LAMA1: variants seen among roughly 807,000 people sequenced by gnomAD.
LAMA1 encodes the protein laminin subunit alpha 1, also known as laminin subunit alpha-1.
Under a neutral mutation model 348.7 loss-of-function variants are expected in LAMA1, and 219 were observed. The observed-to-expected ratio is 0.63, with a 90% confidence interval of 0.56 to 0.70. The LOEUF (loss-of-function observed/expected upper bound fraction) is 0.70. Among genes scored for constraint, LAMA1 ranks in the 30% least tolerant of loss-of-function variants. The pLI, the probability that LAMA1 is intolerant of heterozygous loss-of-function variation, is 0.00. For synonymous variants in LAMA1, 1,487 were observed against 1,491.0 expected (o/e 1.00, Z 0.06); for missense variants, 3,744 against 3,888.0 (o/e 0.96, Z 0.99).
intron 21 of LAMA1, 38 bp from the exon 22 acceptor site, chr18:7,015,896 G>C (rs2144125403): frequency 6.2e-7 from 1 of 1,613,132 alleles, no homozygotes; most frequent in African/African-American, 1.3e-5. Flanking sequence ...AGATCTGGGT[G>C]ATGTCATTAA....
chr18:7,017,087 AG>A (rs1335620032), intron 20 of LAMA1, among the ~76,000 whole-genome samples, 190 bp downstream of exon 20: 1 of 152,170 alleles, frequency 6.6e-6, no homozygotes, highest in East Asian at 1.9e-4. Context: ...AAGTTTCCTG[AG>A]GCCTCCCCAA....
At position 6,963,226 on chromosome 18, in the gene LAMA1, G is replaced by GGC. The variant is rs202087400; in HGVS notation, c.7338-1169_7338-1168dup. On this transcript the variant is annotated intron_variant, in intron 51 of 62. Transcript: ENST00000389658. ...TTCTACTGAGAACATCTGTGATATG[G>GGC]GCTTCTGTCCTTTCCTGCGTTGTCT... Among the ~76,000 whole-genome samples the GGC allele has an allele frequency of 6.4e-3, 979 of 152,226 alleles. 3 individuals are homozygous for GGC. The highest frequency in any genetic ancestry group is 0.01 in the Admixed American group (160 of 15,286).
intron 17 of LAMA1, among the ~76,000 whole-genome samples, chr18:7,024,904 C>T (rs1261772553): frequency 6.6e-6 from 1 of 152,196 alleles, no homozygotes; most frequent in Non-Finnish European, 1.5e-5. Flanking sequence ...AAAGTGAGCT[C>T]ACTCAAACAC....
chr18:6,948,347 G>A (rs1262329797), intron 60 of LAMA1, 56 bp downstream of exon 60: 41 of 1,607,872 alleles, frequency 2.5e-5, no homozygotes, highest in African/African-American at 4.0e-5. Flanking sequence ...GATCCACATC[G>A]CTTTAGAGTA....
chr18:7,103,061 A>C (rs1038406073), intron 1 of LAMA1, among the ~76,000 whole-genome samples: 2 of 152,098 alleles, frequency 1.3e-5, no homozygotes, highest in African/African-American at 4.8e-5. Flanking sequence ...GAGTGCAGAG[A>C]GTGTCTGAAC....
Position 6,947,287 on chromosome 18 carries a change from C to T in LAMA1, c.8720G>A (p.Gly2907Asp), listed in dbSNP as rs767728617. 1.9e-6 allele frequency: 3 copies of T among 1,613,558 alleles called. No individual in the cohort carries two copies. Among genetic ancestry groups the T allele is most frequent in the African/African-American group, 2.7e-5 (2 of 74,910 alleles). Residue 2907 changes from glycine to aspartate, a missense_variant, in exon 61 of 63, where the codon GGC (glycine) becomes GAC (aspartate). Gly to Asp is a moderately conservative substitution (Grantham distance 94). Around this residue, in one of 3 missense-constraint regions of LAMA1, gnomAD observed 232 missense variants for 264.4 expected, o/e 0.88. Coordinates refer to ENST00000389658, the MANE Select transcript of LAMA1 (RefSeq NM_005559.4). ...GSGYAALVKE[G>D]YKVQSDVNIT... Reference sequence around the variant, plus strand: ...GTTCACATCTGACTGGACTTTGTAGCCCTCTTTGACTGTAACACACAAGGA... The same window carrying T: ...GTTCACATCTGACTGGACTTTGTAGTCCTCTTTGACTGTAACACACAAGGA...
intron 1 of LAMA1, among the ~76,000 whole-genome samples, chr18:7,080,755 A>G (rs2058190302): frequency 6.6e-6 from 1 of 152,212 alleles, no homozygotes. Flanking sequence ...TTTGGGTTTC[A>G]CAGGCAGATG....
At chr18:7,112,043 T>G (rs1444309431) in intron 1 of LAMA1, among the ~76,000 whole-genome samples, 3 of 152,020 alleles carry the variant, frequency 2.0e-5, no homozygotes, top group Non-Finnish European at 4.4e-5. Context: ...AACTTCTCTA[T>G]ATCATAAATC....
chr18:7,078,139 A>ATTTTTTTTTG (rs368037122), intron 3 of LAMA1, among the ~76,000 whole-genome samples: 43,579 of 140,376 alleles, frequency 0.31, 7,082 homozygotes, highest in East Asian at 0.47. Flanking sequence ...TTCTCTTTTT[A>ATTTTTTTTTG]TTTTTTTTTG....
intron 3 of LAMA1, among the ~76,000 whole-genome samples, chr18:7,071,934 A>G (rs1002592103): frequency 2.0e-5 from 3 of 152,244 alleles, no homozygotes; most frequent in African/African-American, 7.2e-5. Flanking sequence ...CTGGCACAGT[A>G]AGTATGTAAT....
rs983237426 is a variant in LAMA1 at position 7,032,972 on chromosome 18, G to C, written c.2163+12C>G. The C allele has an allele frequency of 3.8e-6, 6 of 1,582,592 alleles. No homozygotes were observed. The highest frequency in any genetic ancestry group is 5.2e-6 in the Non-Finnish European group (6 of 1,158,278). On this transcript the variant is annotated intron_variant, in intron 15 of 62. Coordinates refer to ENST00000389658, the MANE Select transcript of LAMA1 (RefSeq NM_005559.4). ...GAACGAAAGGAAAAAGACAGGAAGA[G>C]AGAAGCGTCACCTCACAGGAGGTCC... is the stretch of plus-strand genomic sequence containing the variant.
intron 56 of LAMA1, 188 bp from the exon 57 acceptor site, chr18:6,955,653 A>G: frequency 1.5e-6 from 1 of 687,574 alleles, no homozygotes; most frequent in Non-Finnish European, 2.7e-6. Flanking sequence ...ATCTCCCTGA[A>G]GAAAGCACTT....
chr18:6,949,879 C>T (rs1240242536), intron 58 of LAMA1, among the ~76,000 whole-genome samples: 1 of 152,192 alleles, frequency 6.6e-6, no homozygotes, highest in African/African-American at 2.4e-5. Flanking sequence ...AAACTCTAAC[C>T]AGCCATTGTT....
intron 46 of LAMA1, among the ~76,000 whole-genome samples, chr18:6,973,955 C>T (rs905929632): frequency 6.6e-6 from 1 of 151,854 alleles, no homozygotes; most frequent in Non-Finnish European, 1.5e-5. Flanking sequence ...AAATTTTTAA[C>T]TTTTTTTTAG....
chr18:7,099,266 G>C (rs1259520334), intron 1 of LAMA1, among the ~76,000 whole-genome samples: 7 of 150,298 alleles, frequency 4.7e-5, no homozygotes, highest in Admixed American at 4.7e-4. Flanking sequence ...ATGCTTGAAG[G>C]CAGCATGCTC....
chr18:7,035,816 A>C (rs886743896), intron 13 of LAMA1, among the ~76,000 whole-genome samples, 171 bp downstream of exon 13: 5 of 152,046 alleles, frequency 3.3e-5, no homozygotes, highest in Admixed American at 3.3e-4. Context: ...GCTCAAAGAC[A>C]GATTCTCACA....
chr18:7,007,399 T>A, intron 28 of LAMA1, 123 bp from the exon 29 acceptor site: 7 of 892,868 alleles, frequency 7.8e-6, no homozygotes, highest in Non-Finnish European at 1.2e-5. Context: ...AAGTTCGACA[T>A]CTCTATCAGA....
At chr18:7,021,828 AATATAATAATATATTATATTATATT>A (rs199912927) in intron 19 of LAMA1, among the ~76,000 whole-genome samples, 46,948 of 137,774 alleles carry the variant, frequency 0.34, 8,788 homozygotes, top group African/African-American at 0.51. Flanking sequence ...TATATTATAT[AATATAATAATATATTATATTATATT>A]ATATATATTA....
chr18:7,040,259 GA>G (rs2058014804), intron 9 of LAMA1, 23 bp from the exon 10 acceptor site: 1 of 1,613,528 alleles, frequency 6.2e-7, no homozygotes, highest in East Asian at 2.2e-5. Context: ...CAATGGCAAT[GA>G]CCCAACATGA....
Sources: allele counts gnomAD v4.1 joint callset (sites outside exome capture counted in the v4.1 genomes callset), GRCh38; gene constraint gnomAD v4.1.1; regional missense constraint gnomAD v4.1.1; transcripts MANE v1.5; gene names NCBI Gene and HGNC (gene_info 2026-07-23, HGNC 2026-07-21).